The following ARHGEF3 variants were observed in gnomAD, a reference collection of about 807,000 sequenced individuals.
The protein encoded by ARHGEF3 is Rho guanine nucleotide exchange factor 3.
A neutral mutation model predicts 63.2 loss-of-function variants in ARHGEF3; 28 were observed. That is an observed-to-expected ratio of 0.44 (90% CI 0.33 to 0.61). The LOEUF (loss-of-function observed/expected upper bound fraction) is 0.61. Among genes scored for constraint, ARHGEF3 ranks in the 20% least tolerant of loss-of-function variants. The pLI is 0.03. For missense variants in ARHGEF3, 533 were observed against 659.3 expected, an observed-to-expected ratio of 0.81 and a Z score of 2.10; for synonymous variants, 266 against 254.2, an observed-to-expected ratio of 1.05 and a Z score of -0.44.
chr3:56,959,600 T>C (rs979137431), intron 2 of ARHGEF3, among the ~76,000 whole-genome samples: 24 of 152,240 alleles, frequency 1.6e-4, no homozygotes, highest in African/African-American at 5.3e-4. Flanking sequence ...TCTGTCAATA[T>C]GGATATTCAG....
intron 4 of ARHGEF3, among the ~76,000 whole-genome samples, chr3:56,875,078 T>C (rs887395362): frequency 1.3e-5 from 2 of 152,188 alleles, no homozygotes; most frequent in Non-Finnish European, 2.9e-5. Context: ...AAAGCTATGG[T>C]ATTTGCTAGC....
At chr3:56,948,199 TA>T (rs1699616864) in intron 3 of ARHGEF3, among the ~76,000 whole-genome samples, 2 of 152,066 alleles carry the variant, frequency 1.3e-5, no homozygotes, top group Admixed American at 1.3e-4. Flanking sequence ...ATTGACACCC[TA>T]ACATCACAAT....
chr3:56,880,188 T>G (rs975378022), intron 4 of ARHGEF3, among the ~76,000 whole-genome samples: 1 of 152,178 alleles, frequency 6.6e-6, no homozygotes, highest in Non-Finnish European at 1.5e-5. Context: ...AAATCAGAAA[T>G]GAGTCTGTCC....
intron 4 of ARHGEF3, among the ~76,000 whole-genome samples, chr3:56,841,084 A>G (rs894136688): frequency 1.3e-5 from 2 of 152,188 alleles, no homozygotes; most frequent in Non-Finnish European, 2.9e-5. Flanking sequence ...CTTTGCCCCC[A>G]GTAGATAAAT....
chr3:56,919,664 T>C (rs2042074786), intron 3 of ARHGEF3, among the ~76,000 whole-genome samples: 1 of 152,246 alleles, frequency 6.6e-6, no homozygotes. Flanking sequence ...GATATTAACA[T>C]ATCATACAGC....
intron 3 of ARHGEF3, among the ~76,000 whole-genome samples, chr3:56,910,504 T>C (rs2041827246): frequency 6.6e-6 from 1 of 152,132 alleles, no homozygotes; most frequent in South Asian, 2.1e-4. Context: ...TCTCAGACCA[T>C]ATGCAATAGA....
chr3:56,818,302 C>A (rs2038343097), intron 4 of ARHGEF3, among the ~76,000 whole-genome samples: 1 of 152,168 alleles, frequency 6.6e-6, no homozygotes, highest in African/African-American at 2.4e-5. Flanking sequence ...AAGAAAAGGA[C>A]TTCAGGGAGT....
chr3:57,043,176 C>T (rs181899023), intron 1 of ARHGEF3, among the ~76,000 whole-genome samples: 5 of 151,688 alleles, frequency 3.3e-5, no homozygotes, highest in Admixed American at 2.6e-4. Context: ...AGTGCAGTGG[C>T]GCGATCTCAG....
intron 1 of ARHGEF3, among the ~76,000 whole-genome samples, chr3:57,039,334 C>G (rs1704084741): frequency 6.6e-6 from 1 of 152,184 alleles, no homozygotes; most frequent in African/African-American, 2.4e-5. Context: ...AAGCAACCAG[C>G]ACTCTCATAT....
At chr3:57,079,129 A>G (rs1169038673) in intron 1 of ARHGEF3, 29 of 363,258 alleles carry the variant, frequency 8.0e-5, no homozygotes, top group Middle Eastern at 7.1e-4. Flanking sequence ...AGACGGTCTC[A>G]CTCCGGGAGA....
chr3:56,867,627 T>C (rs1339228295), intron 4 of ARHGEF3, among the ~76,000 whole-genome samples: 1 of 151,990 alleles, frequency 6.6e-6, no homozygotes, highest in Admixed American at 6.6e-5. Context: ...CACACCACCA[T>C]GCCTGGATAA....
intron 2 of ARHGEF3, among the ~76,000 whole-genome samples, chr3:56,966,531 A>G (rs1700501666): frequency 6.6e-6 from 1 of 152,210 alleles, no homozygotes; most frequent in African/African-American, 2.4e-5. Flanking sequence ...GAAAGGCATG[A>G]GATGAGGCTG....
chr3:56,822,150 T>C (rs924055010), intron 4 of ARHGEF3, among the ~76,000 whole-genome samples: 2 of 152,240 alleles, frequency 1.3e-5, no homozygotes, highest in Non-Finnish European at 2.9e-5. Context: ...GAATACACTA[T>C]GTACTAGGAA....
chr3:57,036,210 C>A (rs71309995), intron 1 of ARHGEF3, among the ~76,000 whole-genome samples: 2 of 152,040 alleles, frequency 1.3e-5, no homozygotes, highest in Admixed American at 1.3e-4. Context: ...TCTTCCAGTG[C>A]GAAGACTCTC....
intron 1 of ARHGEF3, among the ~76,000 whole-genome samples, chr3:57,069,260 T>C (rs1214428741): frequency 6.6e-6 from 1 of 152,142 alleles, no homozygotes; most frequent in African/African-American, 2.4e-5. Flanking sequence ...ATATATTCTA[T>C]TGCATGTAAG....
intron 1 of ARHGEF3, among the ~76,000 whole-genome samples, chr3:56,796,631 G>A (rs1208020479): frequency 6.6e-6 from 1 of 152,186 alleles, no homozygotes; most frequent in Non-Finnish European, 1.5e-5. Flanking sequence ...ATGGGCCTTT[G>A]AGCATCAGGC....
upstream of ARHGEF3, among the ~76,000 whole-genome samples, chr3:56,804,538 C>T (rs1578561347): frequency 6.6e-6 from 1 of 152,336 alleles, no homozygotes; most frequent in Non-Finnish European, 1.5e-5. Context: ...GAATTGGGCC[C>T]TGTGTAACCA....
At chr3:56,905,516 C>G (rs2041655362) in intron 3 of ARHGEF3, among the ~76,000 whole-genome samples, 1 of 152,242 alleles carries the variant, frequency 6.6e-6, no homozygotes, top group African/African-American at 2.4e-5. Flanking sequence ...TTCCAATCTT[C>G]TGCTGCAGCA....
At chr3:56,894,843 T>G (rs2041246212) in intron 3 of ARHGEF3, among the ~76,000 whole-genome samples, 1 of 152,210 alleles carries the variant, frequency 6.6e-6, no homozygotes, top group African/African-American at 2.4e-5. Context: ...AAACATGCTT[T>G]GATTCTGCAA....
Sources: allele counts gnomAD v4.1 joint callset (sites outside exome capture counted in the v4.1 genomes callset), GRCh38; gene constraint gnomAD v4.1.1; transcripts MANE v1.5; gene names NCBI Gene and HGNC (gene_info 2026-07-23, HGNC 2026-07-21).